TDRD3: variants seen among roughly 807,000 people sequenced by gnomAD.
The protein encoded by TDRD3 is tudor domain-containing protein 3.
In TDRD3, 45 loss-of-function variants were observed where a neutral mutation model predicts 86.7. That is an observed-to-expected ratio of 0.52 (90% CI 0.41 to 0.67). TDRD3 has a LOEUF of 0.67. Ranked by LOEUF, TDRD3 falls within the 30% of genes least tolerant of loss-of-function variation. TDRD3 has a pLI of 0.00. For synonymous variants in TDRD3, 298 were observed against 301.7 expected (o/e 0.99, Z 0.13); for missense variants, 814 against 889.0 (o/e 0.92, Z 1.07).
chr13:60,451,782 A>C (rs1319103369), intron 3 of TDRD3, among the ~76,000 whole-genome samples: 2 of 152,148 alleles, frequency 1.3e-5, no homozygotes, highest in Non-Finnish European at 2.9e-5. Flanking sequence ...ACTTGATCAA[A>C]ATTTTCTAAT....
At chr13:60,456,765 G>C in intron 3 of TDRD3, among the ~76,000 whole-genome samples, 1 of 152,038 alleles carries the variant, frequency 6.6e-6, no homozygotes, top group East Asian at 1.9e-4. Flanking sequence ...GCGCAATCGT[G>C]GTTCACTGTA....
At chr13:60,424,112 C>T (rs993871151) in intron 1 of TDRD3, among the ~76,000 whole-genome samples, 2 of 152,020 alleles carry the variant, frequency 1.3e-5, no homozygotes, top group Non-Finnish European at 2.9e-5. Context: ...AGCTCCGCCT[C>T]CCGGGTTCAC....
At position 60,430,899 on chromosome 13, in the gene TDRD3, C is replaced by G. The variant is rs559642602; in HGVS notation, c.42-8789C>G. Among the ~76,000 whole-genome samples the G allele has an allele frequency of 2.6e-5, 4 of 152,148 alleles. No individual in the cohort carries two copies. The South Asian group carries it at 8.3e-4, about 32-fold the overall frequency. Reference sequence around the variant, plus strand: ...AAATCGTCATGCTGTATTTTGATGTCACAGAAAAGCAATTATTGAAATAAT... The same window carrying G: ...AAATCGTCATGCTGTATTTTGATGTGACAGAAAAGCAATTATTGAAATAAT... On this transcript the variant is annotated intron_variant, in intron 1 of 13. Transcript: ENST00000377881.
intron 3 of TDRD3, among the ~76,000 whole-genome samples, chr13:60,447,148 A>G (rs150747457): frequency 6.0e-4 from 91 of 152,340 alleles, no homozygotes; most frequent in African/African-American, 2.1e-3. Flanking sequence ...AATAGGGCGT[A>G]CTAAAAACCA....
At chr13:60,402,021 A>C (rs1382879156) in intron 1 of TDRD3, among the ~76,000 whole-genome samples, 3 of 152,228 alleles carry the variant, frequency 2.0e-5, no homozygotes, top group African/African-American at 7.2e-5. Context: ...ATTCCACATT[A>C]CTTTGAAGAT....
chr13:60,431,105 G>GT (rs199926535), intron 1 of TDRD3, among the ~76,000 whole-genome samples: 3 of 151,762 alleles, frequency 2.0e-5, no homozygotes, highest in Admixed American at 6.6e-5. Flanking sequence ...TACTAAATGA[G>GT]TTTTTTTTAA....
intron 12 of TDRD3, chr13:60,537,554 CTG>C (rs990956203): frequency 1.3e-5 from 2 of 151,846 alleles, no homozygotes; most frequent in Admixed American, 6.6e-5. Flanking sequence ...TAAGAGGAAA[CTG>C]TAACAAGTTT....
intron 4 of TDRD3, among the ~76,000 whole-genome samples, chr13:60,462,599 T>C (rs2138061305): frequency 6.6e-6 from 1 of 152,304 alleles, no homozygotes; most frequent in South Asian, 2.1e-4. Flanking sequence ...TTACCTTACA[T>C]GGGCTTTGCA....
At chr13:60,427,780 C>T (rs1484382277) in intron 1 of TDRD3, among the ~76,000 whole-genome samples, 1 of 152,126 alleles carries the variant, frequency 6.6e-6, no homozygotes, top group Admixed American at 6.5e-5. Context: ...AGAAAATGTC[C>T]TTCTAGATTC....
intron 6 of TDRD3, among the ~76,000 whole-genome samples, chr13:60,484,955 G>A (rs777456828): frequency 4.6e-5 from 7 of 152,054 alleles, no homozygotes; most frequent in Non-Finnish European, 8.8e-5. Context: ...TTAGGGGTTA[G>A]AGAATATAAT....
intron 1 of TDRD3, among the ~76,000 whole-genome samples, chr13:60,407,914 A>G (rs924579551): frequency 6.6e-6 from 1 of 152,184 alleles, no homozygotes; most frequent in Non-Finnish European, 1.5e-5. Flanking sequence ...TAATTGAATC[A>G]TGGGGGTCGG....
chr13:60,482,083 G>T (rs962205759), intron 5 of TDRD3, among the ~76,000 whole-genome samples: 1 of 152,118 alleles, frequency 6.6e-6, no homozygotes, highest in Non-Finnish European at 1.5e-5. Flanking sequence ...TATGAGTTCT[G>T]GGAATTGTTC....
At chr13:60,451,591 C>T (rs1785272183) in intron 3 of TDRD3, among the ~76,000 whole-genome samples, 1 of 152,176 alleles carries the variant, frequency 6.6e-6, no homozygotes, top group South Asian at 2.1e-4. Context: ...CAACACACCT[C>T]TGCACACATA....
intron 5 of TDRD3, among the ~76,000 whole-genome samples, chr13:60,475,387 C>T (rs1956163576): frequency 6.6e-6 from 1 of 152,132 alleles, no homozygotes; most frequent in Non-Finnish European, 1.5e-5. Flanking sequence ...AGAATGATGG[C>T]CTCCAGATGC....
rs140697725 is a variant in TDRD3, at chr13:60,433,881, C to T, written c.42-5807C>T. On this transcript the variant is annotated intron_variant, in intron 1 of 13. Transcript: ENST00000377881. ...TAGATTCACCGATTTTACCTGCTTT[C>T]AAAGAAATGGATCAAAAGAAAATTG... is the stretch of plus-strand genomic sequence containing the variant. Among the ~76,000 whole-genome samples the T allele has an allele frequency of 4.6e-4, 70 of 152,252 alleles. No individual in the cohort carries two copies. In the East Asian group the frequency reaches 0.011, roughly 23 times the overall value.
chr13:60,430,939 T>C (rs1298884913), intron 1 of TDRD3, among the ~76,000 whole-genome samples: 1 of 152,112 alleles, frequency 6.6e-6, no homozygotes, highest in Non-Finnish European at 1.5e-5. Context: ...AAAATACTTT[T>C]TGTAACTATT....
intron 7 of TDRD3, 42 bp downstream of exon 7, chr13:60,485,990 T>C (rs1248970745): frequency 6.5e-7 from 1 of 1,541,664 alleles, no homozygotes. Context: ...CTTATCATTA[T>C]GTTCTATTTA....
chr13:60,436,522 A>G (rs1434369785), intron 1 of TDRD3, among the ~76,000 whole-genome samples: 1 of 152,104 alleles, frequency 6.6e-6, no homozygotes, highest in African/African-American at 2.4e-5. Flanking sequence ...CCATTTATTG[A>G]AAAGGGTGTC....
rs577075832 is a variant in TDRD3 at position 60,485,800 on chromosome 13, A to G, written c.569A>G (p.Lys190Arg). ...GPPPFVPFGQ[K>R]CVSHVQVDSR... ...ACTTATTCTTACTTGTTTTACTAGA[A>G]GTGTGTATCTCATGTCCAAGTGGAT... Residue 190 changes from lysine to arginine, a missense_variant and splice_region_variant, in exon 7 of 14, where the codon AAG becomes AGG. Transcript: ENST00000377881. The G allele has an allele frequency of 9.5e-6, 15 of 1,583,886 alleles. No individual in the cohort carries two copies. In the South Asian group the frequency reaches 1.5e-4, roughly 16 times the overall value.
Sources: gnomAD v4.1 joint callset for allele counts (sites outside exome capture counted in the v4.1 genomes callset) on GRCh38, gnomAD v4.1.1 for gene constraint, MANE v1.5 for transcripts, NCBI Gene and HGNC (gene_info 2026-07-23, HGNC 2026-07-21) for gene names.